RAB2B: variants seen among roughly 807,000 people sequenced by gnomAD.
RAB2B encodes the protein RAB2B, member RAS oncogene family.
A neutral mutation model predicts 29.8 loss-of-function variants in RAB2B; 20 were observed. The ratio of observed to expected loss-of-function variants is 0.67; its 90% confidence interval spans 0.47 to 0.97. The LOEUF (loss-of-function observed/expected upper bound fraction) is 0.97. RAB2B is among the 50% of genes least tolerant of loss of function. The pLI, the probability that RAB2B is intolerant of heterozygous loss-of-function variation, is 0.00. For synonymous variants in RAB2B, 93 were observed against 91.7 expected, an observed-to-expected ratio of 1.01 and a Z score of -0.08; for missense variants, 218 against 272.0, an observed-to-expected ratio of 0.80 and a Z score of 1.40.
intron 3 of RAB2B, among the ~76,000 whole-genome samples, chr14:21,469,139 G>T (rs984228719): frequency 6.6e-6 from 1 of 151,958 alleles, no homozygotes; most frequent in East Asian, 1.9e-4. Flanking sequence ...GACTGGAAAC[G>T]GAGTGTATGT....
chr14:21,474,676 C>T (rs984727175), intron 3 of RAB2B, 191 bp downstream of exon 3: 4 of 531,854 alleles, frequency 7.5e-6, no homozygotes, highest in African/African-American at 3.8e-5. Flanking sequence ...TTACTTGGAT[C>T]GTTTACAACA....
Position 21,461,333 on chromosome 14 carries a change from C to T in RAB2B, c.544-30G>A, listed in dbSNP as rs774324252. On this transcript the variant is annotated intron_variant, in intron 7 of 7. Coordinates refer to ENST00000397762, the MANE Select transcript of RAB2B (RefSeq NM_032846.4). ...AAAAGAAAAGAGGCAATAGTTCCCA[C>T]CTCAGTGTTAAAGTGAATGAGAGAC... The T allele has an allele frequency of 5.9e-6, 9 of 1,532,142 alleles. No individual in the cohort carries two copies. In the African/African-American group the frequency reaches 1.1e-4, roughly 19 times the overall value. 94.9% of individuals were successfully genotyped at this position (1,532,142 alleles called of 1,614,324 possible).
chr14:21,473,206 A>C (rs1345200557), intron 3 of RAB2B, among the ~76,000 whole-genome samples: 2 of 152,206 alleles, frequency 1.3e-5, no homozygotes, highest in Non-Finnish European at 2.9e-5. Flanking sequence ...AGAAAAAAGG[A>C]AAAATAATGT....
intron 5 of RAB2B, among the ~76,000 whole-genome samples, chr14:21,464,761 T>A (rs1319634690): frequency 2.6e-5 from 4 of 151,974 alleles, no homozygotes; most frequent in African/African-American, 9.7e-5. Flanking sequence ...CCCAGCACTG[T>A]GGGAGGCTGA....
At chr14:21,470,104 C>A (rs1332548499) in intron 3 of RAB2B, among the ~76,000 whole-genome samples, 1 of 152,012 alleles carries the variant, frequency 6.6e-6, no homozygotes, top group Non-Finnish European at 1.5e-5. Context: ...AGGCGCCCAC[C>A]ACCATGCCTG....
Position 21,476,606 on chromosome 14 carries a change from G to C in RAB2B, c.47-7C>G. 6.2e-7 allele frequency: 1 copy of C among 1,613,714 alleles called. No individual in the cohort carries two copies. The highest frequency in any genetic ancestry group is 8.5e-7 in the Non-Finnish European group (1 of 1,179,988). ...AGACATGACTTCCCCACACCTGAAA[G>C]AGAAAGCACACTCCCGGAATCACGC... On this transcript the variant is annotated splice_polypyrimidine_tract_variant and splice_region_variant and intron_variant, in intron 1 of 7. Coordinates refer to ENST00000397762, the MANE Select transcript of RAB2B (RefSeq NM_032846.4).
rs1371571561 is a variant in RAB2B, at chr14:21,468,766, A to G, written c.187-14T>C. On this transcript the variant is annotated splice_polypyrimidine_tract_variant and intron_variant, in intron 3 of 7. Coordinates refer to ENST00000397762, the MANE Select transcript of RAB2B (RefSeq NM_032846.4). ...TTCTTGCCCAGCCTTTCCCACCAAC[A>G]TGGCAACAAAAAATCCCAACAAAAC... 3 of 1,504,650 alleles carry G rather than the reference A, an allele frequency of 2.0e-6. No individual in the cohort carries two copies. Among genetic ancestry groups the G allele is most frequent in the South Asian group, 1.4e-5 (1 of 70,406 alleles). The allele number at this position is 1,504,650 out of a possible 1,614,324, so 93.2% of individuals were successfully genotyped here.
chr14:21,476,864 A>C lies in RAB2B; in HGVS notation c.9T>G (p.Tyr3Ter). 1 of 1,613,454 alleles carries C rather than the reference A, an allele frequency of 6.2e-7. No homozygotes were observed. The highest frequency in any genetic ancestry group is 8.5e-7 in the Non-Finnish European group (1 of 1,180,018). The stretch of plus-strand genomic sequence containing the variant: ...TGATGATATACTTGAAGAGATAAGC[A>C]TAAGTCATGGTGTCGCGTCCTCTGG... MT[Y>*]AYLFKYIIIG... is the part of the protein sequence containing the mutation. The change falls in exon 1 of 8, where the codon TAT becomes TAG. Residue 3 changes from tyrosine to a stop codon, truncating the protein, a stop_gained. Transcript: ENST00000397762. LOFTEE classifies it high-confidence loss of function.
At chr14:21,462,445 AG>A in intron 6 of RAB2B, 27 bp from the exon 7 acceptor site, 1 of 1,569,100 alleles carries the variant, frequency 6.4e-7, no homozygotes, top group Admixed American at 1.7e-5. Flanking sequence ...TCGTATCATC[AG>A]TCTCAAGTTC....
chr14:21,473,277 T>G (rs761874982), intron 3 of RAB2B, among the ~76,000 whole-genome samples: 2 of 152,184 alleles, frequency 1.3e-5, no homozygotes, highest in African/African-American at 2.4e-5. Context: ...CAGAATCACA[T>G]AGTAAGAAGT....
intron 6 of RAB2B, 105 bp from the exon 7 acceptor site, chr14:21,462,523 G>A: frequency 8.9e-7 from 1 of 1,119,860 alleles, no homozygotes; most frequent in East Asian, 2.7e-5. Flanking sequence ...GGTGAATTAG[G>A]AACCATTAGA....
intron 5 of RAB2B, among the ~76,000 whole-genome samples, chr14:21,465,418 T>G (rs1298622801): frequency 1.3e-5 from 2 of 152,266 alleles, no homozygotes; most frequent in South Asian, 4.1e-4. Flanking sequence ...AAAGTGTTAT[T>G]ATTGATACCC....
At chr14:21,462,202 TAAA>T (rs60977608) in intron 7 of RAB2B, 145 bp downstream of exon 7, 2,883 of 401,912 alleles carry the variant, frequency 7.2e-3, no homozygotes, top group South Asian at 8.6e-3. Flanking sequence ...TACCTAGATT[TAAA>T]AAAAAAAAAA....
rs1463097537 is a variant in RAB2B, at chr14:21,476,906, A to C, written c.-34T>G. 4 of 1,611,674 alleles carry C rather than the reference A, an allele frequency of 2.5e-6. No homozygotes were observed. The Admixed American group carries it at 5.0e-5, about 20-fold the overall frequency. Reference sequence around the variant, plus strand: ...GTCCTCTGGGTTCCGGGTCCGCCCGACTTCTATAGCCACTTACCTCCGACC... The same window carrying C: ...GTCCTCTGGGTTCCGGGTCCGCCCGCCTTCTATAGCCACTTACCTCCGACC... On this transcript the variant is annotated 5_prime_UTR_variant, in exon 1 of 8. Transcript: ENST00000397762.
intron 3 of RAB2B, among the ~76,000 whole-genome samples, chr14:21,473,807 T>C (rs999263687): frequency 2.6e-5 from 4 of 151,218 alleles, no homozygotes; most frequent in Admixed American, 2.6e-4. Flanking sequence ...GGTCAGGAGA[T>C]CGAGACCATG....
chr14:21,463,893 A>G (rs537374141), intron 5 of RAB2B, 126 bp from the exon 6 acceptor site: 191 of 635,004 alleles, frequency 3.0e-4, no homozygotes, highest in Non-Finnish European at 4.9e-4. Flanking sequence ...TAGATCCTAC[A>G]TGATACTCTT....
At position 21,476,956 on chromosome 14, in the gene RAB2B, C is replaced by G. The variant is rs4144188; in HGVS notation, c.-84G>C. The G allele has an allele frequency of 2.3e-5, 33 of 1,452,114 alleles. No homozygotes were observed. In the East Asian group the frequency reaches 5.2e-4, roughly 23 times the overall value. The allele number at this position is 1,452,114 out of a possible 1,614,324, so 90.0% of individuals were successfully genotyped here. Reference sequence around the variant, plus strand: ...CTCTCTAGCCACTCAATCTACCGATCTTCTTCTTCTCCCCCTTCCCCCCGC... The same window carrying G: ...CTCTCTAGCCACTCAATCTACCGATGTTCTTCTTCTCCCCCTTCCCCCCGC... On this transcript the variant is annotated 5_prime_UTR_variant, in exon 1 of 8. Coordinates refer to ENST00000397762, the MANE Select transcript of RAB2B (RefSeq NM_032846.4).
intron 5 of RAB2B, among the ~76,000 whole-genome samples, chr14:21,467,922 G>T (rs115947304): frequency 6.6e-6 from 1 of 152,106 alleles, no homozygotes; most frequent in Admixed American, 6.6e-5. Context: ...GATAAACCTC[G>T]AAGACATTAT....
intron 5 of RAB2B, among the ~76,000 whole-genome samples, chr14:21,466,070 T>C (rs1209375081): frequency 1.3e-5 from 2 of 152,250 alleles, no homozygotes; most frequent in Non-Finnish European, 2.9e-5. Flanking sequence ...AATAATTTTA[T>C]ATTTAACATC....
Sources: allele counts gnomAD v4.1 joint callset (sites outside exome capture counted in the v4.1 genomes callset), GRCh38; gene constraint gnomAD v4.1.1; transcripts MANE v1.5; gene names NCBI Gene and HGNC (gene_info 2026-07-23, HGNC 2026-07-21).